SMARCA2: variants seen among roughly 807,000 people sequenced by gnomAD.
The protein encoded by SMARCA2 is SWI/SNF-related matrix-associated actin-dependent regulator of chromatin subfamily A member 2.
In SMARCA2, 61 loss-of-function variants were observed where a neutral mutation model predicts 199.8. That is an observed-to-expected ratio of 0.31 (90% CI 0.25 to 0.38). The LOEUF (loss-of-function observed/expected upper bound fraction) is 0.38, where lower values mean the gene tolerates loss of function less well. SMARCA2 is among the 10% of genes least tolerant of loss of function. The pLI, the probability that SMARCA2 is intolerant of heterozygous loss-of-function variation, is 1.00. For missense variants in SMARCA2, 1,344 were observed against 2,012.2 expected (o/e 0.67, Z 6.35); for synonymous variants, 935 against 732.0 (o/e 1.28, Z -4.48).
In SMARCA2 at chr9:2,054,731, A is replaced by G. The variant is rs777970117; in HGVS notation, c.1173+8A>G. 4.3e-6 allele frequency: 7 copies of G among 1,613,720 alleles called. No individual in the cohort carries two copies. The highest frequency in any genetic ancestry group is 8.5e-7 in the Non-Finnish European group (1 of 1,179,812). ...CTCAATTTCCAGCGTCAGGTAATAC[A>G]TTTTCCCCAGTGAATCTGAGATGTA... On this transcript the variant is annotated splice_region_variant and intron_variant, in intron 6 of 33. Transcript: ENST00000349721.
At position 2,018,766 on chromosome 9, in the gene SMARCA2, C is replaced by G. The variant is rs1818472779; in HGVS notation, c.-37+3362C>G. ...GAACCCTAATAATAATTTAAAAAGCCATACCCAATGTTATGTGTGTGTATA... is the reference window on the plus strand; with the variant it reads ...GAACCCTAATAATAATTTAAAAAGCGATACCCAATGTTATGTGTGTGTATA... On this transcript the variant is annotated intron_variant, in intron 1 of 33. Transcript: ENST00000349721. Among the ~76,000 whole-genome samples the G allele has an allele frequency of 2.6e-5, 4 of 152,158 alleles. No individual in the cohort carries two copies. The South Asian group carries it at 8.3e-4, about 32-fold the overall frequency.
At chr9:2,083,900 G>C (rs1292443081) in intron 16 of SMARCA2, among the ~76,000 whole-genome samples, 186 bp from the exon 17 acceptor site, 1 of 152,168 alleles carries the variant, frequency 6.6e-6, no homozygotes, top group Non-Finnish European at 1.5e-5. Flanking sequence ...TCTAAAAAAA[G>C]ATCTGAAAAG....
intron 33 of SMARCA2, 58 bp from the exon 34 acceptor site, chr9:2,192,646 A>G: frequency 8.4e-7 from 1 of 1,196,134 alleles, no homozygotes; most frequent in Non-Finnish European, 1.3e-6. Context: ...TTGTTGTTAT[A>G]TCTTCTTTTT....
In SMARCA2 at chr9:2,161,446, GT is replaced by G. The variant is rs1825668236; in HGVS notation, c.3982-236del. 6.6e-6 allele frequency among the ~76,000 whole-genome samples: 1 copy of G among 152,098 alleles called. No individual in the cohort carries two copies. The highest frequency in any genetic ancestry group is 1.5e-5 in the Non-Finnish European group (1 of 68,008). On this transcript the variant is annotated intron_variant, in intron 27 of 33. Transcript: ENST00000349721. The surrounding 1 kb of genome is among the most constrained non-coding windows in gnomAD (Gnocchi z 4.7). ...TGTCATATTCTCCTTTACTGTGAGT[GT>G]TTTGGGCCTTCAGTGTGTTTTGCTC...
intron 14 of SMARCA2, among the ~76,000 whole-genome samples, chr9:2,078,240 G>A (rs779606057): frequency 3.9e-5 from 6 of 152,052 alleles, no homozygotes; most frequent in Non-Finnish European, 8.8e-5. Flanking sequence ...GGGAGGCTGA[G>A]GTGGGTGGAT....
chr9:2,030,765 C>A (rs535067986), intron 2 of SMARCA2, among the ~76,000 whole-genome samples: 1 of 152,038 alleles, frequency 6.6e-6, no homozygotes, highest in South Asian at 2.1e-4. Context: ...GTAGACAAGC[C>A]GTGGAAGATC....
chr9:2,061,132 C>A, intron 9 of SMARCA2, 146 bp downstream of exon 9: 1 of 740,440 alleles, frequency 1.4e-6, no homozygotes, highest in Non-Finnish European at 2.1e-6. Context: ...ATGGGTATGG[C>A]ATGGAAGTGT....
In SMARCA2 at chr9:2,170,521, G is replaced by C. The variant is rs377510238; in HGVS notation, c.4253+49G>C. ...CTATCTCTAAATACAGGTATCCCTC[G>C]TTACGTGAAACAGATTGAATCATAT... On this transcript the variant is annotated intron_variant, in intron 29 of 33. Transcript: ENST00000349721. This position sits in a 1 kb window ranked among gnomAD's most constrained non-coding sequence, Gnocchi z 4.7. 5.6e-6 allele frequency: 9 copies of C among 1,612,984 alleles called. No individual in the cohort carries two copies. The South Asian group carries it at 7.7e-5, about 14-fold the overall frequency.
At position 2,170,334 on chromosome 9, in the gene SMARCA2, A is replaced by G; in HGVS notation, c.4200-85A>G. ...TTGGTGAGGAGACTGAGGCTTGGCC[A>G]GGTCACCCAGCCTAGGAAGAAGGAG... On this transcript the variant is annotated intron_variant, in intron 28 of 33. Coordinates refer to ENST00000349721, the MANE Select transcript of SMARCA2 (RefSeq NM_003070.5). The surrounding 1 kb of genome is among the most constrained non-coding windows in gnomAD (Gnocchi z 4.7). The G allele has an allele frequency of 6.3e-7, 1 of 1,579,550 alleles. No individual in the cohort carries two copies. Among genetic ancestry groups the G allele is most frequent in the African/African-American group, 1.4e-5 (1 of 73,848 alleles).
intron 24 of SMARCA2, among the ~76,000 whole-genome samples, chr9:2,111,459 T>C: frequency 7.5e-6 from 1 of 133,930 alleles, no homozygotes. Flanking sequence ...ACCACCGCTC[T>C]CCAGCCCGGG....
chr9:2,136,031 G>A (rs1341591120), intron 27 of SMARCA2, among the ~76,000 whole-genome samples: 1 of 151,044 alleles, frequency 6.6e-6, no homozygotes, highest in Non-Finnish European at 1.5e-5. Flanking sequence ...TAGTAGACAT[G>A]GGGTTTCACC....
intron 19 of SMARCA2, 198 bp from the exon 20 acceptor site, chr9:2,096,459 C>T (rs761839402): frequency 4.1e-6 from 2 of 481,980 alleles, no homozygotes; most frequent in African/African-American, 1.9e-5. Flanking sequence ...CAGAAGGCCC[C>T]CCCATCATAA....
chr9:2,158,811 A>T, intron 27 of SMARCA2: 1 of 707,784 alleles, frequency 1.4e-6, no homozygotes, highest in Non-Finnish European at 2.2e-6. Context: ...TATGTGCGAA[A>T]AGCATTGGGA....
In SMARCA2 at chr9:2,161,539, C is replaced by T; in HGVS notation, c.3982-147C>T. ...TAGCATTCCTTTTTTCTTCTTCCTC[C>T]ACTGATTACTGTTAACTTTTACTTT... is the stretch of plus-strand genomic sequence containing the variant. On this transcript the variant is annotated intron_variant, in intron 27 of 33. Transcript: ENST00000349721. The surrounding 1 kb of genome is among the most constrained non-coding windows in gnomAD (Gnocchi z 4.7). 1 of 605,860 alleles carries T rather than the reference C, an allele frequency of 1.7e-6. No homozygotes were observed. Among genetic ancestry groups the T allele is most frequent in the East Asian group, 2.8e-5 (1 of 36,214 alleles). 37.5% of individuals were successfully genotyped at this position (605,860 alleles called of 1,614,324 possible). A position where few individuals can be genotyped will look rare whatever the true frequency, so the allele number is the denominator to read the frequency against.
rs978917934 is a variant in SMARCA2 at position 2,016,743 on chromosome 9, C to T, written c.-37+1339C>T. Among the ~76,000 whole-genome samples, 1 of 152,130 alleles carries T rather than the reference C, an allele frequency of 6.6e-6. No individual in the cohort carries two copies. Among genetic ancestry groups the T allele is most frequent in the Non-Finnish European group, 1.5e-5 (1 of 68,014 alleles). ...CTCCTCCCAACGATGACACGCACTC[C>T]TTCCTTCTCGCTCCCTGCTCAGGAG... On this transcript the variant is annotated intron_variant, in intron 1 of 33. Transcript: ENST00000349721. This position sits in a 1 kb window ranked among gnomAD's most constrained non-coding sequence, Gnocchi z 5.6.
At chr9:2,135,224 A>G (rs761104337) in intron 27 of SMARCA2, among the ~76,000 whole-genome samples, 6 of 152,248 alleles carry the variant, frequency 3.9e-5, no homozygotes, top group Non-Finnish European at 7.3e-5. Flanking sequence ...ACACAGCTCA[A>G]GAAAAGAAGG....
chr9:2,025,091 G>A (rs960200004), intron 1 of SMARCA2, among the ~76,000 whole-genome samples: 1 of 140,370 alleles, frequency 7.1e-6, no homozygotes, highest in Non-Finnish European at 1.5e-5. Context: ...GGGCAGAGGA[G>A]ATTTGGGCTG....
intron 27 of SMARCA2, among the ~76,000 whole-genome samples, chr9:2,139,010 A>G (rs1824340095): frequency 6.6e-6 from 1 of 152,200 alleles, no homozygotes; most frequent in South Asian, 2.1e-4. Flanking sequence ...TCAAATGTGT[A>G]GAGCTTTTGG....
At chr9:2,083,273 A>T (rs1238186765) in intron 15 of SMARCA2, 74 bp from the exon 16 acceptor site, 5 of 971,384 alleles carry the variant, frequency 5.1e-6, no homozygotes, top group African/African-American at 1.7e-5. Flanking sequence ...CTGAACATGA[A>T]TAAGAACATC....
Sources: allele counts gnomAD v4.1 joint callset (sites outside exome capture counted in the v4.1 genomes callset), GRCh38; gene constraint gnomAD v4.1.1; non-coding constraint Gnocchi (gnomAD v3.1); transcripts MANE v1.5; gene names NCBI Gene and HGNC (gene_info 2026-07-23, HGNC 2026-07-21).